Variants in MAGI2 observed in about 807,000 individuals in gnomAD.
MAGI2 encodes membrane-associated guanylate kinase, WW and PDZ domain-containing protein 2.
In MAGI2, 35 loss-of-function variants were observed where a neutral mutation model predicts 133.3. That is an observed-to-expected ratio of 0.26 (90% CI 0.20 to 0.35). The LOEUF is 0.35. Ranked by LOEUF, MAGI2 falls within the 10% of genes least tolerant of loss-of-function variation. MAGI2 has a pLI of 1.00. For synonymous variants in MAGI2, 729 were observed against 710.6 expected, an observed-to-expected ratio of 1.03 and a Z score of -0.41; for missense variants, 1,636 against 1,863.4, an observed-to-expected ratio of 0.88 and a Z score of 2.25.
rs2151119641 is a variant in MAGI2, at chr7:78,320,580, T to C, written c.1408+23198A>G. ...TTTGACAAAATTCAAGACGTCCTCA[T>C]GCTAAAAACTCTCAATAAACTAGGT... On this transcript the variant is annotated intron_variant, in intron 9 of 21. Transcript: ENST00000354212. 2.0e-5 allele frequency among the ~76,000 whole-genome samples: 3 copies of C among 152,332 alleles called. 1 individual carries two copies. Among genetic ancestry groups the C allele is most frequent in the Middle Eastern group, 6.8e-3 (2 of 294 alleles).
intron 21 of MAGI2, among the ~76,000 whole-genome samples, chr7:78,037,508 T>G (rs1266672685): frequency 6.6e-6 from 1 of 152,228 alleles, no homozygotes; most frequent in Non-Finnish European, 1.5e-5. Flanking sequence ...ACAAACTGAT[T>G]GGTGTCAATT....
chr7:78,700,790 T>A (rs1817987199), intron 2 of MAGI2, among the ~76,000 whole-genome samples: 1 of 151,946 alleles, frequency 6.6e-6, no homozygotes, highest in Admixed American at 6.6e-5. Context: ...TCATTTCTCA[T>A]CGTGACACTT....
rs186750159 is a variant in MAGI2, at chr7:78,993,960, T to A, written c.418+13130A>T. On this transcript the variant is annotated intron_variant, in intron 2 of 21. Transcript: ENST00000354212. ...CCAGATATCACTCTGCATATTAACCTGAATCCCCTGAGCCAGAATTGGGGC... is the reference window on the plus strand; with the variant it reads ...CCAGATATCACTCTGCATATTAACCAGAATCCCCTGAGCCAGAATTGGGGC... Among the ~76,000 whole-genome samples the A allele has an allele frequency of 1.5e-3, 232 of 152,196 alleles. 1 individual carries two copies. The highest frequency in any genetic ancestry group is 5.3e-3 in the African/African-American group (220 of 41,540).
At chr7:78,568,554 T>A (rs1009059591) in intron 3 of MAGI2, among the ~76,000 whole-genome samples, 23 of 152,248 alleles carry the variant, frequency 1.5e-4, no homozygotes, top group Middle Eastern at 3.4e-3. Context: ...TCTTATCCGG[T>A]TTTATTAGTA....
chr7:79,256,297 G>A (rs1388058164), intron 1 of MAGI2, among the ~76,000 whole-genome samples: 1 of 152,114 alleles, frequency 6.6e-6, no homozygotes, highest in Non-Finnish European at 1.5e-5. Context: ...TTAGAAACGA[G>A]TTTCCATCTT....
At chr7:79,002,428 A>C (rs1806963035) in intron 2 of MAGI2, among the ~76,000 whole-genome samples, 1 of 152,058 alleles carries the variant, frequency 6.6e-6, no homozygotes. Flanking sequence ...ATAATGAAGA[A>C]TCAATCTCAG....
chr7:79,291,727 A>T (rs1355473152), intron 1 of MAGI2, among the ~76,000 whole-genome samples: 2 of 152,186 alleles, frequency 1.3e-5, no homozygotes, highest in Non-Finnish European at 2.9e-5. Flanking sequence ...AGAAATGACT[A>T]TTCAGGCCAA....
chr7:79,236,666 A>G (rs1304863928), intron 1 of MAGI2, among the ~76,000 whole-genome samples: 1 of 152,242 alleles, frequency 6.6e-6, no homozygotes, highest in Non-Finnish European at 1.5e-5. Context: ...CTGTTCCAGC[A>G]ATAAAATTCT....
chr7:79,130,906 T>C (rs1450567914), intron 1 of MAGI2, among the ~76,000 whole-genome samples: 1 of 137,534 alleles, frequency 7.3e-6, no homozygotes, highest in African/African-American at 2.9e-5. Context: ...CACCAATTCA[T>C]TCATTCATTC....
intron 2 of MAGI2, among the ~76,000 whole-genome samples, chr7:78,964,278 C>T (rs935297473): frequency 1.1e-4 from 17 of 151,914 alleles, no homozygotes; most frequent in African/African-American, 4.1e-4. Flanking sequence ...TTTCCATAAA[C>T]ATTTTAAATG....
chr7:79,168,465 C>G (rs572271687), intron 1 of MAGI2, among the ~76,000 whole-genome samples: 2 of 152,080 alleles, frequency 1.3e-5, no homozygotes, highest in Non-Finnish European at 2.9e-5. Flanking sequence ...TTATACAGTA[C>G]ATATTCATAT....
At chr7:79,157,534 G>A (rs1193982333) in intron 1 of MAGI2, among the ~76,000 whole-genome samples, 4 of 147,514 alleles carry the variant, frequency 2.7e-5, no homozygotes, top group Non-Finnish European at 4.5e-5. Flanking sequence ...AAATTCCTAG[G>A]CCACATCTCA....
chr7:78,867,228 G>C (rs1794636164), intron 2 of MAGI2, among the ~76,000 whole-genome samples: 1 of 151,286 alleles, frequency 6.6e-6, no homozygotes, highest in African/African-American at 2.4e-5. Flanking sequence ...CTGCTATAAA[G>C]ACACATGCAC....
chr7:78,655,265 G>GC (rs1812050921), intron 2 of MAGI2, among the ~76,000 whole-genome samples: 2 of 151,434 alleles, frequency 1.3e-5, no homozygotes, highest in Non-Finnish European at 2.9e-5. Flanking sequence ...AGTTATCAAG[G>GC]CCCTGAGGCT....
intron 1 of MAGI2, among the ~76,000 whole-genome samples, chr7:79,242,713 C>T (rs774116094): frequency 1.3e-5 from 2 of 152,142 alleles, no homozygotes; most frequent in Non-Finnish European, 2.9e-5. Context: ...TTGGAGTTAA[C>T]ATGCCTGATT....
At chr7:78,104,266 A>T (rs1244650660) in intron 20 of MAGI2, among the ~76,000 whole-genome samples, 1 of 152,166 alleles carries the variant, frequency 6.6e-6, no homozygotes, top group Non-Finnish European at 1.5e-5. Context: ...TCTGTCACCC[A>T]GGCTGGACTG....
chr7:79,260,801 A>T (rs1283677656), intron 1 of MAGI2, among the ~76,000 whole-genome samples: 1 of 152,212 alleles, frequency 6.6e-6, no homozygotes, highest in Non-Finnish European at 1.5e-5. Flanking sequence ...TCTCATCCCC[A>T]AGATATCTCA....
intron 13 of MAGI2, among the ~76,000 whole-genome samples, chr7:78,180,959 TAAG>T (rs1295191461): frequency 2.4e-5 from 3 of 123,610 alleles, no homozygotes; most frequent in Non-Finnish European, 4.9e-5. Flanking sequence ...TTAGGGAAAA[TAAG>T]AACATTTTAG....
intron 2 of MAGI2, among the ~76,000 whole-genome samples, chr7:78,982,815 A>C (rs1804906620): frequency 6.6e-6 from 1 of 151,876 alleles, no homozygotes; most frequent in African/African-American, 2.4e-5. Flanking sequence ...TACTTTGTCT[A>C]AGAGTAACTA....
Sources: gnomAD v4.1 joint callset for allele counts (sites outside exome capture counted in the v4.1 genomes callset) on GRCh38, gnomAD v4.1.1 for gene constraint, MANE v1.5 for transcripts, NCBI Gene and HGNC (gene_info 2026-07-23, HGNC 2026-07-21) for gene names.